Variants in FSTL5 observed in about 807,000 individuals in gnomAD.
FSTL5 encodes follistatin like 5, also known as follistatin-related protein 5.
Under a neutral mutation model 89.1 loss-of-function variants are expected in FSTL5, and 62 were observed. That is an observed-to-expected ratio of 0.70 (90% CI 0.57 to 0.86). FSTL5 has a LOEUF of 0.86. Ranked by LOEUF, FSTL5 falls within the 40% of genes least tolerant of loss-of-function variation. The probability of loss-of-function intolerance (pLI) is 0.00; values close to 1 mark genes in which losing one functional copy is unlikely to be tolerated. For missense variants in FSTL5, 1,057 were observed against 1,001.6 expected (o/e 1.06, Z -0.75); for synonymous variants, 383 against 346.2 (o/e 1.11, Z -1.18).
chr4:161,464,083 G>A (rs1705791462), intron 13 of FSTL5, among the ~76,000 whole-genome samples: 1 of 152,000 alleles, frequency 6.6e-6, no homozygotes, highest in Non-Finnish European at 1.5e-5. Flanking sequence ...TGTGTGTTGG[G>A]TTTTACAAAA....
intron 7 of FSTL5, among the ~76,000 whole-genome samples, chr4:161,625,567 C>T (rs528948062): frequency 1.1e-4 from 16 of 152,202 alleles, no homozygotes; most frequent in Admixed American, 8.5e-4. Flanking sequence ...CCTCAGGCCT[C>T]CCTATTCCCT....
chr4:161,891,611 G>C (rs908757825), intron 4 of FSTL5, among the ~76,000 whole-genome samples: 5 of 152,080 alleles, frequency 3.3e-5, no homozygotes, highest in African/African-American at 1.2e-4. Context: ...TTAGGAATCA[G>C]TAAGTGACAA....
At chr4:161,520,357 T>A (rs1465114261) in intron 10 of FSTL5, among the ~76,000 whole-genome samples, 1 of 151,458 alleles carries the variant, frequency 6.6e-6, no homozygotes, top group African/African-American at 2.4e-5. Context: ...ATCAATATAA[T>A]TGTATTTATA....
chr4:161,865,140 GC>G (rs1162681294), intron 4 of FSTL5, among the ~76,000 whole-genome samples: 1 of 152,002 alleles, frequency 6.6e-6, no homozygotes, highest in African/African-American at 2.4e-5. Flanking sequence ...CCCCTGGAGG[GC>G]ACTTGTATGT....
At chr4:161,686,091 C>G (rs1029526816) in intron 6 of FSTL5, among the ~76,000 whole-genome samples, 1 of 151,160 alleles carries the variant, frequency 6.6e-6, no homozygotes, top group African/African-American at 2.4e-5. Flanking sequence ...TCCCTGTATC[C>G]CTTGTATGAA....
chr4:161,638,431 C>G lies in FSTL5; in HGVS notation c.894+17897G>C, dbSNP rs1448392003. On this transcript the variant is annotated intron_variant, in intron 7 of 15. Transcript: ENST00000306100. ...GCAAACAGGGACAATTTCACTTCCT[C>G]TTTTCCTAATTGAATACCCTTTATT... Among the ~76,000 whole-genome samples the G allele has an allele frequency of 5.3e-5, 8 of 152,262 alleles. No individual in the cohort carries two copies. In the East Asian group the frequency reaches 1.4e-3, roughly 26 times the overall value.
intron 6 of FSTL5, among the ~76,000 whole-genome samples, chr4:161,669,671 CA>C (rs1431637010): frequency 2.0e-5 from 3 of 151,816 alleles, no homozygotes; most frequent in Non-Finnish European, 4.4e-5. Context: ...AAATATAAAA[CA>C]AAAAACTATA....
intron 10 of FSTL5, among the ~76,000 whole-genome samples, chr4:161,525,204 G>A (rs972298736): frequency 3.3e-5 from 5 of 152,066 alleles, no homozygotes; most frequent in African/African-American, 1.2e-4. Context: ...CTTTCTGAAA[G>A]GACTTCAAGA....
intron 7 of FSTL5, among the ~76,000 whole-genome samples, chr4:161,618,326 G>T (rs10004029): frequency 0.019 from 2,592 of 134,974 alleles, 77 homozygotes; most frequent in African/African-American, 0.069. Context: ...TCCTTCTCCT[G>T]CCTAATTGCC....
rs535326281 is a variant in FSTL5 at position 161,774,056 on chromosome 4, T to C, written c.606+1822A>G. ...ACTGGTGGATCACGAGGTCAGGAGA[T>C]TGAGACCATCCTGGGTAACATGGTG... is the stretch of plus-strand genomic sequence containing the variant. On this transcript the variant is annotated intron_variant, in intron 5 of 15. Transcript: ENST00000306100. Among the ~76,000 whole-genome samples, 48 of 152,110 alleles carry C rather than the reference T, an allele frequency of 3.2e-4. 1 individual carries two copies. In the East Asian group the frequency reaches 8.8e-3, roughly 28 times the overall value.
At chr4:161,902,317 T>C (rs1733389544) in intron 4 of FSTL5, among the ~76,000 whole-genome samples, 1 of 152,190 alleles carries the variant, frequency 6.6e-6, no homozygotes, top group African/African-American at 2.4e-5. Flanking sequence ...TAAGTAGTAA[T>C]AAGCCTTATC....
chr4:161,750,373 GT>G lies in FSTL5; in HGVS notation c.727+9037del, dbSNP rs540971365. ...TGTAATAATGTAAAATATACACCAG[GT>G]TTCAAAGACTTGGTAAGAAAAAAGA... On this transcript the variant is annotated intron_variant, in intron 6 of 15. Coordinates refer to ENST00000306100, the MANE Select transcript of FSTL5 (RefSeq NM_020116.5). Among the ~76,000 whole-genome samples, 10 of 152,108 alleles carry G rather than the reference GT, an allele frequency of 6.6e-5. No homozygotes were observed. In the South Asian group the frequency reaches 1.9e-3, roughly 28 times the overall value.
intron 3 of FSTL5, among the ~76,000 whole-genome samples, chr4:161,966,892 T>C (rs1321678092): frequency 2.0e-5 from 3 of 152,062 alleles, no homozygotes; most frequent in African/African-American, 7.2e-5. Context: ...TATTCCATCT[T>C]TCTCAAATCA....
intron 7 of FSTL5, among the ~76,000 whole-genome samples, chr4:161,646,969 T>C (rs912793243): frequency 2.0e-5 from 3 of 152,218 alleles, no homozygotes; most frequent in Admixed American, 6.5e-5. Context: ...CACTTTTTGA[T>C]TGTTTCCTTT....
At chr4:161,777,956 C>T (rs370318573) in intron 4 of FSTL5, among the ~76,000 whole-genome samples, 2 of 151,946 alleles carry the variant, frequency 1.3e-5, no homozygotes, top group African/African-American at 2.4e-5. Context: ...TGGCCGGGCA[C>T]GATGGCACGT....
intron 6 of FSTL5, among the ~76,000 whole-genome samples, chr4:161,680,814 A>G (rs1178324731): frequency 6.6e-6 from 1 of 152,048 alleles, no homozygotes; most frequent in Non-Finnish European, 1.5e-5. Context: ...AGAACACCCA[A>G]TAACAGTAGC....
intron 15 of FSTL5, among the ~76,000 whole-genome samples, chr4:161,435,771 G>A (rs1732539551): frequency 6.6e-6 from 1 of 151,690 alleles, no homozygotes; most frequent in South Asian, 2.1e-4. Flanking sequence ...AAAAGGAGTT[G>A]AGTCTTCATA....
At chr4:161,596,573 C>T (rs2126618004) in intron 7 of FSTL5, among the ~76,000 whole-genome samples, 1 of 152,190 alleles carries the variant, frequency 6.6e-6, no homozygotes, top group South Asian at 2.1e-4. Flanking sequence ...TTCTTGACCA[C>T]ACTTCTCAGA....
chr4:161,894,683 C>T (rs919528909), intron 4 of FSTL5, among the ~76,000 whole-genome samples: 7 of 151,916 alleles, frequency 4.6e-5, no homozygotes, highest in African/African-American at 1.5e-4. Flanking sequence ...TTCTCCATGT[C>T]GACCAGGCTG....
Sources: gnomAD v4.1 joint callset for allele counts (sites outside exome capture counted in the v4.1 genomes callset) on GRCh38, gnomAD v4.1.1 for gene constraint, MANE v1.5 for transcripts, NCBI Gene and HGNC (gene_info 2026-07-23, HGNC 2026-07-21) for gene names.